Variants in NUP205 observed in about 807,000 individuals in gnomAD.
NUP205 encodes nuclear pore complex protein Nup205.
NUP205 carries 76 observed loss-of-function variants against 253.8 expected under a neutral mutation model. The observed-to-expected ratio is 0.30, with a 90% CI of 0.25 to 0.36. The LOEUF is 0.36. Among genes scored for constraint, NUP205 ranks in the 10% least tolerant of loss-of-function variants. NUP205 has a pLI of 1.00. For synonymous variants in NUP205, 832 were observed against 850.1 expected (o/e 0.98, Z 0.37); for missense variants, 2,162 against 2,425.5 (o/e 0.89, Z 2.28).
At chr7:135,634,028 G>A (rs1365679523) in intron 35 of NUP205, among the ~76,000 whole-genome samples, 1 of 152,092 alleles carries the variant, frequency 6.6e-6, no homozygotes, top group Non-Finnish European at 1.5e-5. Context: ...CCACTACCGT[G>A]TATGTTGTAC....
rs1371315734 is a variant in NUP205, at chr7:135,616,705, C to T, written c.3511C>T (p.His1171Tyr). 6 of 1,565,278 alleles carry T rather than the reference C, an allele frequency of 3.8e-6. No homozygotes were observed. The highest frequency in any genetic ancestry group is 5.2e-6 in the Non-Finnish European group (6 of 1,159,366). The change falls in exon 25 of 43, where the codon CAC becomes TAC. Residue 1171 changes from histidine to tyrosine, a missense_variant. His to Tyr is a moderately conservative substitution (Grantham distance 83). Coordinates refer to ENST00000285968, the MANE Select transcript of NUP205 (RefSeq NM_015135.3). ...DENRSVSGFL[H>Y]FDTATKVRRK... Reference sequence around the variant, plus strand: ...AAACAGGTCTGTTTCTGGGTTCCTTCACTTTGACACTGCTACAAAAGGTAA... The same window carrying T: ...AAACAGGTCTGTTTCTGGGTTCCTTTACTTTGACACTGCTACAAAAGGTAA...
At chr7:135,580,198 C>T (rs937770284) in intron 7 of NUP205, among the ~76,000 whole-genome samples, 6 of 152,098 alleles carry the variant, frequency 3.9e-5, no homozygotes, top group African/African-American at 7.2e-5. Flanking sequence ...CGTGTAATTC[C>T]AGAACATTTT....
intron 33 of NUP205, 110 bp from the exon 34 acceptor site, chr7:135,627,863 T>C (rs1184454549): frequency 5.5e-6 from 6 of 1,095,652 alleles, no homozygotes; most frequent in Non-Finnish European, 8.1e-6. Context: ...CACTAGTTGA[T>C]TCACATCTTA....
At position 135,619,649 on chromosome 7, in the gene NUP205, A is replaced by G. The variant is rs1480723057; in HGVS notation, c.4190A>G (p.Tyr1397Cys). The G allele has an allele frequency of 6.2e-7, 1 of 1,613,796 alleles. No homozygotes were observed. Among genetic ancestry groups the G allele is most frequent in the East Asian group, 2.2e-5 (1 of 44,892 alleles). ...GCTTCTATTGGAGATTCTTCACTTT[A>G]CATCATATTGAAGAAACTGTTAGAC... Reference protein sequence around the residue: ...GFASIGDSSLYIILKKLLDFI... With the variant: ...GFASIGDSSLCIILKKLLDFI... Residue 1397 changes from tyrosine (Y) to cysteine (C), a missense_variant, in exon 29 of 43, where the codon TAC becomes TGC. By Grantham distance (194) the Tyr-to-Cys change is radical (BLOSUM62 -2). Around this residue, in one of 5 missense-constraint regions of NUP205, gnomAD observed 1,144 missense variants for 1,280.9 expected, o/e 0.89. Transcript: ENST00000285968.
At chr7:135,587,250 A>G (rs980739066) in intron 8 of NUP205, among the ~76,000 whole-genome samples, 1 of 152,134 alleles carries the variant, frequency 6.6e-6, no homozygotes, top group Non-Finnish European at 1.5e-5. Flanking sequence ...CAAGGATGCT[A>G]AATGTCCTGG....
At chr7:135,562,545 CTTTTTTTTTTT>C (rs34482653) in intron 1 of NUP205, among the ~76,000 whole-genome samples, 2 of 97,396 alleles carry the variant, frequency 2.1e-5, no homozygotes, top group African/African-American at 3.9e-5. Flanking sequence ...GACCAAAATC[CTTTTTTTTTTT>C]TTTTTTTTTT....
rs1794104610 is a variant in NUP205 at position 135,607,234 on chromosome 7, T to C, written c.3071-13T>C. ...CTAAAAGAAAAGTTGAATTTCTTTT[T>C]GGTTTCATGCAGGAGTGTTAGGTTG... On this transcript the variant is annotated splice_polypyrimidine_tract_variant and intron_variant, in intron 21 of 42. Coordinates refer to ENST00000285968, the MANE Select transcript of NUP205 (RefSeq NM_015135.3). 6 of 1,593,004 alleles carry C rather than the reference T, an allele frequency of 3.8e-6. No homozygotes were observed. In the Admixed American group the frequency reaches 9.5e-5, roughly 25 times the overall value.
intron 39 of NUP205, 77 bp from the exon 40 acceptor site, chr7:135,644,818 G>T: frequency 2.9e-6 from 4 of 1,358,762 alleles, no homozygotes; most frequent in East Asian, 4.7e-5. Context: ...TTATCATGGT[G>T]ACCTGCTGAT....
rs78477907 is a variant in NUP205, at chr7:135,603,877, G to A, written c.2703-463G>A. On this transcript the variant is annotated intron_variant, in intron 18 of 42. Coordinates refer to ENST00000285968, the MANE Select transcript of NUP205 (RefSeq NM_015135.3). ...AGGGAAACTAGGTGTTTGGAGGATA[G>A]GGCTGGAAAGGAAGCAGACTTTTCA... Among the ~76,000 whole-genome samples, 445 of 152,210 alleles carry A rather than the reference G, an allele frequency of 2.9e-3. 9 individuals carry two copies. The East Asian group carries it at 0.051, about 17-fold the overall frequency.
At chr7:135,603,112 CTTTT>C (rs11300648) in intron 18 of NUP205, 118 bp downstream of exon 18, 4,774 of 326,068 alleles carry the variant, frequency 0.015, no homozygotes, top group East Asian at 0.019. Context: ...CCTCATTTTA[CTTTT>C]TTTTTTTTTT....
chr7:135,588,799 T>C (rs1806542817), intron 10 of NUP205, among the ~76,000 whole-genome samples: 1 of 151,298 alleles, frequency 6.6e-6, no homozygotes, highest in African/African-American at 2.4e-5. Context: ...TTCTTAGACG[T>C]TTTAATTGAT....
intron 13 of NUP205, among the ~76,000 whole-genome samples, chr7:135,595,930 C>CA (rs869074231): frequency 2.0e-5 from 3 of 150,436 alleles, no homozygotes; most frequent in Non-Finnish European, 4.4e-5. Flanking sequence ...TTCATAGAAG[C>CA]AAAAAAAATT....
Position 135,626,052 on chromosome 7 carries a change from G to T in NUP205, c.4672-188G>T, listed in dbSNP as rs150002062. Among the ~76,000 whole-genome samples the T allele has an allele frequency of 3.3e-3, 498 of 152,284 alleles. 5 individuals are homozygous for T. The highest frequency in any genetic ancestry group is 0.011 in the African/African-American group (461 of 41,548). On this transcript the variant is annotated intron_variant, in intron 32 of 42. Coordinates refer to ENST00000285968, the MANE Select transcript of NUP205 (RefSeq NM_015135.3). ...CAAGCTACTGTCTGTGGGCGCTTTA[G>T]ATATGTTGAACACTGAGTCCTCATG...
At chr7:135,620,555 C>CCAT (rs534359391) in intron 30 of NUP205, among the ~76,000 whole-genome samples, 77 of 152,146 alleles carry the variant, frequency 5.1e-4, no homozygotes, top group Non-Finnish European at 9.9e-4. Context: ...CTTTGTTATT[C>CCAT]CATGATATGG....
At chr7:135,626,169 G>GTGT in intron 32 of NUP205, 71 bp from the exon 33 acceptor site, 1 of 1,579,750 alleles carries the variant, frequency 6.3e-7, no homozygotes, top group Non-Finnish European at 8.7e-7. Context: ...TGCCATCAAA[G>GTGT]TGTTGCACTT....
chr7:135,572,134 T>C (rs78642626), intron 2 of NUP205, among the ~76,000 whole-genome samples: 3,809 of 152,234 alleles, frequency 0.025, 79 homozygotes, highest in South Asian at 0.077. Flanking sequence ...GTTGGGATTA[T>C]AGACGTGAGC....
intron 1 of NUP205, among the ~76,000 whole-genome samples, chr7:135,570,239 G>A (rs1466120693): frequency 1.3e-5 from 2 of 151,544 alleles, no homozygotes; most frequent in Non-Finnish European, 2.9e-5. Context: ...TTGAGATGGG[G>A]TTTTGATCCT....
chr7:135,627,736 G>A (rs1794622764), intron 33 of NUP205, among the ~76,000 whole-genome samples: 1 of 152,108 alleles, frequency 6.6e-6, no homozygotes, highest in Admixed American at 6.6e-5. Context: ...AATTACATAG[G>A]TTTTCCTCGA....
Position 135,587,900 on chromosome 7 carries a change from C to A in NUP205, c.1381C>A (p.Leu461Ile). Residue 461 changes from leucine to isoleucine, a missense_variant, in exon 10 of 43, where the codon CTA becomes ATA. Physicochemically the swap from Leu to Ile is conservative, Grantham distance 5. This residue lies in a region of NUP205 where 892 missense variants were observed against 957.1 expected (regional missense o/e 0.93). Transcript: ENST00000285968. ...KKNPFHLELA[L>I]EYWCPTEPLQ... ...GAACCCTTTTCATCTGGAGCTTGCT[C>A]TAGAATATTGGTGTCCCACAGAGCC... 1 of 1,613,938 alleles carries A rather than the reference C, an allele frequency of 6.2e-7. No individual in the cohort carries two copies. The highest frequency in any genetic ancestry group is 1.1e-5 in the South Asian group (1 of 91,070).
Sources: gnomAD v4.1 joint callset for allele counts (sites outside exome capture counted in the v4.1 genomes callset) on GRCh38, gnomAD v4.1.1 for gene constraint, gnomAD v4.1.1 regional missense constraint, MANE v1.5 for transcripts, NCBI Gene and HGNC (gene_info 2026-07-23, HGNC 2026-07-21) for gene names.